The following CUBN variants were observed in gnomAD, a reference collection of about 807,000 sequenced individuals.
CUBN encodes 460 kDa receptor.
CUBN carries 282 observed loss-of-function variants against 405.3 expected under a neutral mutation model. The ratio of observed to expected loss-of-function variants is 0.70; its 90% confidence interval spans 0.63 to 0.77. CUBN has a LOEUF of 0.77. Among genes scored for constraint, CUBN ranks in the 30% least tolerant of loss-of-function variants. The pLI is 0.00. For missense variants in CUBN, 4,514 were observed against 4,475.2 expected (o/e 1.01, Z -0.25); for synonymous variants, 1,684 against 1,617.0 (o/e 1.04, Z -0.99).
chr10:16,848,647 A>T (rs1011910337), intron 60 of CUBN, among the ~76,000 whole-genome samples: 2 of 140,894 alleles, frequency 1.4e-5, no homozygotes, highest in Admixed American at 1.5e-4. Context: ...ACAGTTTTGA[A>T]TTCAGCTTTA....
rs1835739559 is a variant in CUBN at position 17,071,547 on chromosome 10, A to C, written c.2504T>G (p.Val835Gly). The C allele has an allele frequency of 6.2e-7, 1 of 1,613,836 alleles. No individual in the cohort carries two copies. Among genetic ancestry groups the C allele is most frequent in the African/African-American group, 1.3e-5 (1 of 74,884 alleles). Residue 835 changes from valine (V) to glycine (G), a missense_variant, in exon 19 of 67, where the codon GTG becomes GGG. This residue lies in a region of CUBN where 1,448 missense variants were observed against 1,388.0 expected (regional missense o/e 1.04). Coordinates refer to ENST00000377833, the MANE Select transcript of CUBN (RefSeq NM_001081.4). Reference sequence around the variant, plus strand: ...CCTACAGGTTCTTTCTCCAGGATACACGTTAGGAAAAAAAGGCGAGCGAAT... The same window carrying C: ...CCTACAGGTTCTTTCTCCAGGATACCCGTTAGGAAAAAAAGGCGAGCGAAT... ...GVIRSPFFPN[V>G]YPGERTCRWT... is the part of the protein sequence containing the mutation.
chr10:16,895,500 G>C (rs1033687857), intron 54 of CUBN, among the ~76,000 whole-genome samples: 1 of 152,134 alleles, frequency 6.6e-6, no homozygotes, highest in Non-Finnish European at 1.5e-5. Flanking sequence ...GAAGTCCTCA[G>C]CTATAACCGA....
At chr10:16,892,554 C>A (rs1841064895) in intron 54 of CUBN, among the ~76,000 whole-genome samples, 1 of 152,098 alleles carries the variant, frequency 6.6e-6, no homozygotes, top group Non-Finnish European at 1.5e-5. Context: ...CGCAGTGGCA[C>A]AATCACAGCT....
intron 43 of CUBN, among the ~76,000 whole-genome samples, chr10:16,923,200 G>A (rs577820849): frequency 4.6e-5 from 7 of 151,864 alleles, no homozygotes; most frequent in African/African-American, 1.4e-4. Context: ...TGAACTCCTT[G>A]GCAGAACTCG....
chr10:16,915,062 A>T lies in CUBN; in HGVS notation c.7321T>A (p.Phe2441Ile). 2 of 1,614,086 alleles carry T rather than the reference A, an allele frequency of 1.2e-6. No homozygotes were observed. Reference sequence around the variant, plus strand: ...ATACTGGATTCAAATCGCAGTCTGAATCCTGAGGCAGTCACAGAGCCGTCT... The same window carrying T: ...ATACTGGATTCAAATCGCAGTCTGATTCCTGAGGCAGTCACAGAGCCGTCT... ...VTDGSVTASG[F>I]RLRFESSMEE... is the part of the protein sequence containing the mutation. Residue 2441 changes from phenylalanine to isoleucine, a missense_variant, in exon 47 of 67, where the codon TTC becomes ATC. Physicochemically the swap from Phe to Ile is conservative, Grantham distance 21. Transcript: ENST00000377833.
chr10:16,907,381 G>T, intron 49 of CUBN, 127 bp downstream of exon 49: 1 of 977,344 alleles, frequency 1.0e-6, no homozygotes, highest in Non-Finnish European at 1.6e-6. Context: ...ATGTGTGTTT[G>T]TCTTATGTCA....
At chr10:17,052,757 C>A (rs1835298415) in intron 22 of CUBN, among the ~76,000 whole-genome samples, 2 of 48,008 alleles carry the variant, frequency 4.2e-5, no homozygotes, top group South Asian at 1.1e-3. Context: ...GAGACTCAGT[C>A]TCAAAAAAAA....
At chr10:16,851,952 CCCTCCCT>C in intron 59 of CUBN, among the ~76,000 whole-genome samples, 1 of 120,442 alleles carries the variant, frequency 8.3e-6, no homozygotes, top group Non-Finnish European at 1.7e-5. Flanking sequence ...CTCCATCTTT[CCCTCCCT>C]CAATCTTTCC....
At chr10:16,995,816 T>C (rs1356924126) in intron 28 of CUBN, among the ~76,000 whole-genome samples, 2 of 152,210 alleles carry the variant, frequency 1.3e-5, no homozygotes, top group East Asian at 1.9e-4. Flanking sequence ...AGTTCTCAAG[T>C]GCTTTTATTT....
Position 16,954,404 on chromosome 10 carries a change from C to T in CUBN, c.4840G>A (p.Ala1614Thr), listed in dbSNP as rs1842994939. Residue 1614 changes from alanine to threonine, a missense_variant, in exon 32 of 67, where the codon GCT becomes ACT. By Grantham distance (58) the Ala-to-Thr change is moderately conservative (BLOSUM62 0). Around this residue, in one of 5 missense-constraint regions of CUBN, gnomAD observed 1,613 missense variants for 1,542.8 expected, o/e 1.05. Transcript: ENST00000377833. Reference protein sequence around the residue: ...GPSRQNRGFRAQFRQACGGHI... With the variant: ...GPSRQNRGFRTQFRQACGGHI... ...GGGTACTTGCCTTGCCTGAATTGAG[C>T]TCGGAAGCCTCTGTTCTGTCTGGAA... 6.2e-7 allele frequency: 1 copy of T among 1,614,008 alleles called. No individual in the cohort carries two copies.
intron 28 of CUBN, among the ~76,000 whole-genome samples, chr10:17,014,030 A>G (rs1834258974): frequency 2.6e-5 from 4 of 152,166 alleles, no homozygotes. Context: ...TATCTGAAGC[A>G]CTGGTCCCTC....
At chr10:16,872,495 T>C (rs897608955) in intron 58 of CUBN, among the ~76,000 whole-genome samples, 1 of 152,022 alleles carries the variant, frequency 6.6e-6, no homozygotes, top group African/African-American at 2.4e-5. Context: ...GTGGGGCCTA[T>C]GGGAGGTGAT....
In CUBN at chr10:16,963,968, G is replaced by A. The variant is rs563774233; in HGVS notation, c.4696-9420C>T. Reference sequence around the variant, plus strand: ...AGTTTCCTCTGGGACGGGGAACAGGGCATGGGATCAATGATAGGAGCATGT... The same window carrying A: ...AGTTTCCTCTGGGACGGGGAACAGGACATGGGATCAATGATAGGAGCATGT... On this transcript the variant is annotated intron_variant, in intron 31 of 66. Coordinates refer to ENST00000377833, the MANE Select transcript of CUBN (RefSeq NM_001081.4). Among the ~76,000 whole-genome samples, 7 of 152,282 alleles carry A rather than the reference G, an allele frequency of 4.6e-5. No individual in the cohort carries two copies. The South Asian group carries it at 1.5e-3, about 32-fold the overall frequency.
In CUBN at chr10:16,915,139, A is replaced by G; in HGVS notation, c.7244T>C (p.Ile2415Thr). 1 of 1,614,032 alleles carries G rather than the reference A, an allele frequency of 6.2e-7. No individual in the cohort carries two copies. Among genetic ancestry groups the G allele is most frequent in the Non-Finnish European group, 8.5e-7 (1 of 1,179,944 alleles). The change falls in exon 47 of 67, where the codon ATT (isoleucine) becomes ACT (threonine). Residue 2415 changes from isoleucine to threonine, a missense_variant. Transcript: ENST00000377833. ...GCTAGAAGTGTCTATGCTGTCAGGA[A>G]TGGTGTTTCCACAGTATCTGCCCAA... ...NILGRYCGNT[I>T]PDSIDTSSNT...
At chr10:17,050,289 G>A (rs1363810619) in intron 22 of CUBN, among the ~76,000 whole-genome samples, 1 of 152,144 alleles carries the variant, frequency 6.6e-6, no homozygotes, top group Non-Finnish European at 1.5e-5. Flanking sequence ...TGGACAATCT[G>A]CAGTACAAGA....
Position 17,041,072 on chromosome 10 carries a change from G to A in CUBN, c.3978C>T (p.Asp1326=), listed in dbSNP as rs1242477294. Reference sequence around the variant, plus strand: ...TGGAGCAGTTTATGTGATGTTCCAAGTCAAATGCTAAAAATGTGTAGTTCA... The same window carrying A: ...TGGAGCAGTTTATGTGATGTTCCAAATCAAATGCTAAAAATGTGTAGTTCA... ...NTVNYTFLAF[D]LEHHINCSTD... is the part of the protein sequence containing the mutation. Residue 1326 remains aspartate, a synonymous_variant, in exon 27 of 67, where the codon GAC becomes GAT. Transcript: ENST00000377833. The A allele has an allele frequency of 2.0e-5, 32 of 1,613,668 alleles. No individual in the cohort carries two copies. The highest frequency in any genetic ancestry group is 2.6e-5 in the Non-Finnish European group (31 of 1,179,780).
At chr10:16,946,181 T>G (rs1459606129) in intron 36 of CUBN, among the ~76,000 whole-genome samples, 1 of 152,210 alleles carries the variant, frequency 6.6e-6, no homozygotes, top group African/African-American at 2.4e-5. Flanking sequence ...AACGGCAATT[T>G]AAATTCCAGG....
chr10:16,980,678 C>A (rs1833243416), intron 31 of CUBN, among the ~76,000 whole-genome samples: 2 of 152,026 alleles, frequency 1.3e-5, no homozygotes, highest in African/African-American at 2.4e-5. Context: ...ACATCACACA[C>A]CGGTGCCTGT....
At position 17,085,756 on chromosome 10, in the gene CUBN, G is replaced by A. The variant is rs182512508; in HGVS notation, c.1951C>T (p.Arg651Ter). 1.9e-6 allele frequency: 3 copies of A among 1,613,574 alleles called. No individual in the cohort carries two copies. Among genetic ancestry groups the A allele is most frequent in the Non-Finnish European group, 1.7e-6 (2 of 1,179,794 alleles). The part of the protein sequence containing the change: ...DDCNKDYLEI[R>*]DGPLYQDPLL... ...GGGTCCTGATACAAAGGACCATCTC[G>A]AATCTAAAACAAAAGGATGAATCAT... is the stretch of plus-strand genomic sequence containing the variant. Residue 651 changes from arginine to a stop codon, truncating the protein, a stop_gained, in exon 16 of 67, where the codon CGA becomes TGA. Coordinates refer to ENST00000377833, the MANE Select transcript of CUBN (RefSeq NM_001081.4). LOFTEE classifies it high-confidence loss of function.
Sources: gnomAD v4.1 joint callset for allele counts (sites outside exome capture counted in the v4.1 genomes callset) on GRCh38, gnomAD v4.1.1 for gene constraint, gnomAD v4.1.1 regional missense constraint, MANE v1.5 for transcripts, NCBI Gene and HGNC (gene_info 2026-07-23, HGNC 2026-07-21) for gene names.